GPD1L: variants seen among roughly 807,000 people sequenced by gnomAD.
The protein encoded by GPD1L is glycerol-3-phosphate dehydrogenase 1-like protein.
GPD1L carries 17 observed loss-of-function variants against 32.9 expected under a neutral mutation model. The ratio of observed to expected loss-of-function variants is 0.52; its 90% CI spans 0.35 to 0.78. GPD1L has a LOEUF of 0.78. Ranked by LOEUF, GPD1L falls within the 30% of genes least tolerant of loss-of-function variation. The pLI is 0.01. For missense variants in GPD1L, 361 were observed against 447.8 expected, an observed-to-expected ratio of 0.81 and a Z score of 1.75; for synonymous variants, 187 against 165.9, an observed-to-expected ratio of 1.13 and a Z score of -0.98.
chr3:32,146,460 C>T (rs187369884), intron 4 of GPD1L, among the ~76,000 whole-genome samples, 162 bp from the exon 5 acceptor site: 56 of 152,204 alleles, frequency 3.7e-4, no homozygotes, highest in African/African-American at 1.2e-3. Context: ...CGATTGGAAA[C>T]GGGATATTTT....
chr3:32,154,403 G>A (rs1700960212), intron 5 of GPD1L, among the ~76,000 whole-genome samples: 1 of 152,184 alleles, frequency 6.6e-6, no homozygotes, highest in Admixed American at 6.5e-5. Context: ...TTGGAGCTCA[G>A]GGCCTGTCCA....
chr3:32,121,515 TTC>T (rs1341713369), intron 1 of GPD1L, among the ~76,000 whole-genome samples: 2 of 74,288 alleles, frequency 2.7e-5, no homozygotes, highest in African/African-American at 8.3e-5. Context: ...CTATATATAT[TTC>T]TCTCTATATA....
rs142505407 is a variant in GPD1L at position 32,116,587 on chromosome 3, C to T, written c.47+9829C>T. 9.6e-4 allele frequency among the ~76,000 whole-genome samples: 145 copies of T among 150,690 alleles called. 1 individual carries two copies. In the East Asian group the frequency reaches 0.019, roughly 20 times the overall value. On this transcript the variant is annotated intron_variant, in intron 1 of 7. Coordinates refer to ENST00000282541, the MANE Select transcript of GPD1L (RefSeq NM_015141.4). ...TGCCAGGAAAGGGTGCTGTGACCTA[C>T]GATAGCAAGCTGGGGTGGGGATTGG...
At chr3:32,119,854 G>A (rs1036697279) in intron 1 of GPD1L, among the ~76,000 whole-genome samples, 5 of 152,170 alleles carry the variant, frequency 3.3e-5, no homozygotes, top group Non-Finnish European at 7.3e-5. Flanking sequence ...AGCTGATGGT[G>A]TATTCTTCCT....
At chr3:32,126,934 T>G (rs1486319552) in intron 1 of GPD1L, among the ~76,000 whole-genome samples, 1 of 152,202 alleles carries the variant, frequency 6.6e-6, no homozygotes, top group African/African-American at 2.4e-5. Context: ...AACCACTGGT[T>G]CAGTTTATCC....
chr3:32,135,412 C>A (rs1004804082), intron 2 of GPD1L, among the ~76,000 whole-genome samples: 6 of 152,086 alleles, frequency 3.9e-5, no homozygotes, highest in African/African-American at 1.4e-4. Flanking sequence ...GACACACAGG[C>A]CAATTGTGGG....
At chr3:32,146,225 C>A (rs954950245) in intron 4 of GPD1L, among the ~76,000 whole-genome samples, 2 of 151,702 alleles carry the variant, frequency 1.3e-5, no homozygotes, top group African/African-American at 4.8e-5. Flanking sequence ...TAGCTGGGAC[C>A]ACAGGTACGT....
chr3:32,128,304 G>A, intron 2 of GPD1L, 51 bp downstream of exon 2: 1 of 1,469,342 alleles, frequency 6.8e-7, no homozygotes. Flanking sequence ...AGTTGTGCTT[G>A]GCTGAGCAGC....
At chr3:32,148,450 A>G (rs1162233267) in intron 5 of GPD1L, among the ~76,000 whole-genome samples, 1 of 152,126 alleles carries the variant, frequency 6.6e-6, no homozygotes, top group Non-Finnish European at 1.5e-5. Context: ...AAGGCCCTTA[A>G]TCATCCTCCC....
At chr3:32,138,430 A>G (rs140207438) in intron 2 of GPD1L, among the ~76,000 whole-genome samples, 157 bp from the exon 3 acceptor site, 146 of 152,282 alleles carry the variant, frequency 9.6e-4, no homozygotes, top group African/African-American at 3.1e-3. Flanking sequence ...CCCATAAGGA[A>G]TAAGGAAGGC....
chr3:32,132,475 G>A (rs1700599677), intron 2 of GPD1L, among the ~76,000 whole-genome samples: 1 of 152,186 alleles, frequency 6.6e-6, no homozygotes, highest in South Asian at 2.1e-4. Flanking sequence ...TAGGGTTGGG[G>A]TAATACCTAT....
intron 2 of GPD1L, among the ~76,000 whole-genome samples, chr3:32,135,032 C>T (rs985629331): frequency 6.6e-6 from 1 of 152,110 alleles, no homozygotes; most frequent in East Asian, 1.9e-4. Context: ...AGTAGCTTGC[C>T]AGAGGTCACA....
intron 1 of GPD1L, among the ~76,000 whole-genome samples, chr3:32,119,364 T>C (rs1700375885): frequency 6.6e-6 from 1 of 152,230 alleles, no homozygotes; most frequent in Admixed American, 6.5e-5. Context: ...TCATATGGTA[T>C]GTACAATTTT....
intron 5 of GPD1L, among the ~76,000 whole-genome samples, chr3:32,155,377 G>A (rs556429769): frequency 3.3e-5 from 5 of 152,290 alleles, no homozygotes; most frequent in South Asian, 4.1e-4. Flanking sequence ...CTGAAGGCAC[G>A]TAATAAATAA....
intron 2 of GPD1L, among the ~76,000 whole-genome samples, chr3:32,137,378 G>A (rs1700678399): frequency 6.6e-6 from 1 of 152,204 alleles, no homozygotes; most frequent in South Asian, 2.1e-4. Flanking sequence ...CCACTGTTCT[G>A]CCATCTCGGC....
In GPD1L at chr3:32,135,935, G is replaced by T. The variant is rs550205633; in HGVS notation, c.226-2652G>T. On this transcript the variant is annotated intron_variant, in intron 2 of 7. Coordinates refer to ENST00000282541, the MANE Select transcript of GPD1L (RefSeq NM_015141.4). ...TTTCAAGAGGAAAATAGGCAAATAG[G>T]CCTTCCCTGCCTTTGGATCTGCCAC... Among the ~76,000 whole-genome samples the T allele has an allele frequency of 2.0e-5, 3 of 152,232 alleles. No homozygotes were observed. In the South Asian group the frequency reaches 6.2e-4, roughly 32 times the overall value.
chr3:32,146,810 G>T, intron 5 of GPD1L, 76 bp downstream of exon 5: 1 of 854,584 alleles, frequency 1.2e-6, no homozygotes. Flanking sequence ...CTCAAGAATG[G>T]GCTCTGTGTT....
At chr3:32,145,041 G>A (rs1700799922) in intron 4 of GPD1L, among the ~76,000 whole-genome samples, 2 of 151,670 alleles carry the variant, frequency 1.3e-5, no homozygotes, top group African/African-American at 2.4e-5. Context: ...TTCGCGGGCC[G>A]GGTGCGGTGG....
In GPD1L at chr3:32,115,758, C is replaced by CTTTTTTTTTTTTT. The variant is rs539068850; in HGVS notation, c.47+9036_47+9048dup. ...CTAAACCCTTTTCGTGTACGTTGAACTTTTTTTTTTTTTTTTTTTTTTTTT... is the reference window on the plus strand; with the variant it reads ...CTAAACCCTTTTCGTGTACGTTGAACTTTTTTTTTTTTTTTTTTTTTTTTTTTTTTTTTTTTTT... On this transcript the variant is annotated intron_variant, in intron 1 of 7. Coordinates refer to ENST00000282541, the MANE Select transcript of GPD1L (RefSeq NM_015141.4). Among the ~76,000 whole-genome samples the CTTTTTTTTTTTTT allele has an allele frequency of 9.3e-4, 42 of 45,086 alleles. 16 individuals carry two copies. The highest frequency in any genetic ancestry group is 1.5e-3 in the Non-Finnish European group (31 of 20,538). 29.6% of individuals were successfully genotyped at this position (45,086 alleles called of 152,430 possible).
Sources: gnomAD v4.1 joint callset for allele counts (sites outside exome capture counted in the v4.1 genomes callset) on GRCh38, gnomAD v4.1.1 for gene constraint, MANE v1.5 for transcripts, NCBI Gene and HGNC (gene_info 2026-07-23, HGNC 2026-07-21) for gene names.